Variants in AIRIM observed in about 807,000 individuals in gnomAD.
The protein encoded by AIRIM is AFG2-interacting ribosome maturation factor.
At chr1:37,687,143 T>C in the AIRIM span, among the ~76,000 whole-genome samples, 1 of 151,784 alleles carries the variant, frequency 6.6e-6, no homozygotes, top group Non-Finnish European at 1.5e-5. Context: ...TGTTTTTTTA[T>C]TGAGATGGAG....
chr1:37,685,762 G>C, the AIRIM span, among the ~76,000 whole-genome samples: 1 of 152,064 alleles, frequency 6.6e-6, no homozygotes, highest in East Asian at 1.9e-4. Flanking sequence ...CTGCTGTTAG[G>C]CTCCTCCTCA....
chr1:37,687,311 C>T, the AIRIM span, among the ~76,000 whole-genome samples: 1 of 150,622 alleles, frequency 6.6e-6, no homozygotes, highest in Non-Finnish European at 1.5e-5. Context: ...ATTTTTTTTT[C>T]AGTAGAGACG....
chr1:37,687,264 A>G, the AIRIM span, among the ~76,000 whole-genome samples: 3 of 151,240 alleles, frequency 2.0e-5, no homozygotes, highest in Non-Finnish European at 2.9e-5. Context: ...AGTAGCTGGG[A>G]TTACAGGCAT....
At chr1:37,689,504 G>A in the AIRIM span, 3 of 1,340,972 alleles carry the variant, frequency 2.2e-6, no homozygotes, top group Non-Finnish European at 2.0e-6. Flanking sequence ...CACATGCCAC[G>A]CTTTCAAGGA....
At chr1:37,687,027 A>G in the AIRIM span, among the ~76,000 whole-genome samples, 42,954 of 150,232 alleles carry the variant, frequency 0.29, 6,667 homozygotes, top group African/African-American at 0.4. Flanking sequence ...CTGCACTTCA[A>G]CCTGGGTGAC....
the AIRIM span, among the ~76,000 whole-genome samples, chr1:37,687,094 G>A: frequency 9.8e-3 from 1,435 of 146,308 alleles, 26 homozygotes; most frequent in African/African-American, 0.036. Flanking sequence ...GTGTGTGTGT[G>A]TGTGTGTGTG....
the AIRIM span, among the ~76,000 whole-genome samples, chr1:37,685,305 G>A: frequency 2.0e-5 from 3 of 148,130 alleles, no homozygotes; most frequent in Non-Finnish European, 4.5e-5. Flanking sequence ...GACCTCCCAC[G>A]CTCAAGCAAC....
chr1:37,685,740 T>C, the AIRIM span, among the ~76,000 whole-genome samples: 1 of 152,136 alleles, frequency 6.6e-6, no homozygotes, highest in Non-Finnish European at 1.5e-5. Context: ...CCCCCTGTCT[T>C]TCTACCCTCA....
At chr1:37,686,918 C>T in the AIRIM span, among the ~76,000 whole-genome samples, 1 of 151,888 alleles carries the variant, frequency 6.6e-6, no homozygotes, top group South Asian at 2.1e-4. Flanking sequence ...CAAAAATTAG[C>T]CAGGTGTGGT....
the AIRIM span, chr1:37,689,770 G>C: frequency 6.2e-7 from 1 of 1,613,480 alleles, no homozygotes; most frequent in South Asian, 1.1e-5. Flanking sequence ...AGGACAGGAG[G>C]GGCTGGCAGT....
the AIRIM span, among the ~76,000 whole-genome samples, chr1:37,685,795 T>C: frequency 2.0e-5 from 3 of 152,216 alleles, no homozygotes; most frequent in Non-Finnish European, 4.4e-5. Flanking sequence ...GCCTCCTTAC[T>C]ATTTCCTGAA....
the AIRIM span, chr1:37,686,260 G>A: frequency 6.2e-7 from 1 of 1,606,974 alleles, no homozygotes; most frequent in Non-Finnish European, 8.5e-7. Flanking sequence ...CCTGAAATGT[G>A]TGCAAAGGAT....
chr1:37,684,947 CA>C, the AIRIM span, among the ~76,000 whole-genome samples: 1 of 151,886 alleles, frequency 6.6e-6, no homozygotes, highest in Non-Finnish European at 1.5e-5. Context: ...TCATCAAGGC[CA>C]GGAGTTCAAG....
the AIRIM span, among the ~76,000 whole-genome samples, chr1:37,684,698 TGAG>T: frequency 1.3e-5 from 2 of 152,238 alleles, no homozygotes; most frequent in African/African-American, 2.4e-5. Flanking sequence ...AGGGCTAGAT[TGAG>T]GAGTTCAATT....
At chr1:37,689,584 A>T in the AIRIM span, 2 of 1,546,686 alleles carry the variant, frequency 1.3e-6, no homozygotes, top group South Asian at 2.4e-5. Flanking sequence ...CCACCAAGAA[A>T]CAGCACTAGG....
At chr1:37,690,440 T>C in the AIRIM span, 2 of 1,263,174 alleles carry the variant, frequency 1.6e-6, no homozygotes, top group South Asian at 1.3e-5. Context: ...GTCGCCTTCC[T>C]GAAAAAGCGG....
the AIRIM span, chr1:37,689,815 C>T: frequency 1.2e-6 from 2 of 1,608,984 alleles, no homozygotes; most frequent in South Asian, 1.1e-5. Context: ...CCTGCTGCTC[C>T]TCCACCACGG....
At chr1:37,690,534 A>C in the AIRIM span, 1 of 1,152,402 alleles carries the variant, frequency 8.7e-7, no homozygotes, top group African/African-American at 1.6e-5. Context: ...GCGCATGCTC[A>C]CACGCGACCT....
the AIRIM span, chr1:37,683,914 C>A: frequency 1.8e-5 from 3 of 162,560 alleles, no homozygotes; most frequent in Non-Finnish European, 4.0e-5. Flanking sequence ...GAAAGGTGGG[C>A]TGAGCCAGAA....
Sources: allele counts gnomAD v4.1 joint callset (sites outside exome capture counted in the v4.1 genomes callset), GRCh38; gene constraint gnomAD v4.1.1; transcripts MANE v1.5; gene names NCBI Gene and HGNC (gene_info 2026-07-23, HGNC 2026-07-21).